Variants in SEC14L5 observed in about 807,000 individuals in gnomAD.
The protein encoded by SEC14L5 is SEC14-like protein 5.
In SEC14L5, 96 loss-of-function variants were observed where a neutral mutation model predicts 84.6. That is an observed-to-expected ratio of 1.13 (90% CI 0.96 to 1.34). The LOEUF (loss-of-function observed/expected upper bound fraction) is 1.34. SEC14L5 is among the 40% of genes most tolerant of loss of function. The pLI is 0.00. For synonymous variants in SEC14L5, 546 were observed against 383.4 expected, an observed-to-expected ratio of 1.42 and a Z score of -4.95; for missense variants, 1,224 against 942.5, an observed-to-expected ratio of 1.30 and a Z score of -3.91.
chr16:4,976,675 C>A (rs975652180), intron 2 of SEC14L5, among the ~76,000 whole-genome samples: 1 of 152,186 alleles, frequency 6.6e-6, no homozygotes, highest in African/African-American at 2.4e-5. Context: ...GGCAGCCCTG[C>A]TTGGTCCCTG....
chr16:4,996,816 G>A (rs746108108), intron 7 of SEC14L5, 39 bp from the exon 8 acceptor site: 13 of 1,523,260 alleles, frequency 8.5e-6, no homozygotes, highest in South Asian at 5.9e-5. Context: ...TGGGTCAGGG[G>A]ATACCGTTCT....
In SEC14L5 at chr16:5,007,454, T is replaced by G; in HGVS notation, c.1540T>G (p.Ser514Ala). ...QLWQWSETYH[S>A]ASVLRGAPHE... Reference sequence around the variant, plus strand: ...GTGGCAGTGGAGTGAGACCTACCATTCAGCCAGCGTGCTCCGCGGAGCCCC... The same window carrying G: ...GTGGCAGTGGAGTGAGACCTACCATGCAGCCAGCGTGCTCCGCGGAGCCCC... Residue 514 changes from serine to alanine, a missense_variant, in exon 13 of 16, where the codon TCA becomes GCA. By Grantham distance (99) the Ser-to-Ala change is moderately conservative. Transcript: ENST00000251170. The G allele has an allele frequency of 1.9e-6, 3 of 1,613,752 alleles. No individual in the cohort carries two copies. Among genetic ancestry groups the G allele is most frequent in the Non-Finnish European group, 2.5e-6 (3 of 1,179,836 alleles).
chr16:4,988,312 C>T (rs780973985), intron 4 of SEC14L5, 32 bp downstream of exon 4: 20 of 1,608,206 alleles, frequency 1.2e-5, no homozygotes, highest in Admixed American at 3.4e-5. Flanking sequence ...CGCCCACGCC[C>T]GGCACCCACC....
chr16:4,979,516 G>T (rs189873659), intron 2 of SEC14L5, among the ~76,000 whole-genome samples: 73 of 152,302 alleles, frequency 4.8e-4, no homozygotes, highest in African/African-American at 1.7e-3. Flanking sequence ...TGATGGTTAG[G>T]CTTGGGCAGC....
intron 2 of SEC14L5, among the ~76,000 whole-genome samples, chr16:4,967,561 C>CATTTTTTTT (rs1568104233): frequency 2.3e-5 from 2 of 86,272 alleles, no homozygotes. Context: ...TTCTTTCTTT[C>CATTTTTTTT]GTTTTTTTTT....
intron 10 of SEC14L5, among the ~76,000 whole-genome samples, chr16:5,002,362 T>C (rs1955686450): frequency 1.3e-5 from 2 of 148,472 alleles, no homozygotes; most frequent in Non-Finnish European, 3.0e-5. Flanking sequence ...AGTGGTGCAA[T>C]CTTGGCTCAC....
At chr16:4,971,245 C>G (rs1013222734) in intron 2 of SEC14L5, among the ~76,000 whole-genome samples, 7 of 152,120 alleles carry the variant, frequency 4.6e-5, no homozygotes, top group African/African-American at 1.7e-4. Context: ...TTGTTTGAGC[C>G]TAGGAGTTTG....
At chr16:4,963,625 C>T (rs567578767) in intron 2 of SEC14L5, among the ~76,000 whole-genome samples, 7 of 152,160 alleles carry the variant, frequency 4.6e-5, no homozygotes, top group South Asian at 2.1e-4. Context: ...GGATTAGAGG[C>T]GCGAGCCACT....
chr16:5,013,460 T>A (rs1955831303), intron 15 of SEC14L5, among the ~76,000 whole-genome samples: 1 of 151,406 alleles, frequency 6.6e-6, no homozygotes, highest in Non-Finnish European at 1.5e-5. Context: ...AATCCTAGCT[T>A]ACTGTAGCCT....
rs141534089 is a variant in SEC14L5 at position 5,004,724 on chromosome 16, C to T, written c.1302+1151C>T. ...CACCTATCTCTTGGCTTGTGGCATT[C>T]CCTGTAGAACTGGCCTGTTATCTGC... On this transcript the variant is annotated intron_variant, in intron 11 of 15. Transcript: ENST00000251170. Among the ~76,000 whole-genome samples the T allele has an allele frequency of 1.2e-3, 185 of 152,300 alleles. 1 individual carries two copies. Among genetic ancestry groups the T allele is most frequent in the African/African-American group, 4.0e-3 (166 of 41,570 alleles).
chr16:5,014,993 G>T lies in SEC14L5; in HGVS notation c.*23G>T. 6.5e-7 allele frequency: 1 copy of T among 1,533,544 alleles called. No homozygotes were observed. The allele number at this position is 1,533,544 out of a possible 1,614,324, so 95.0% of individuals were successfully genotyped here. A position where few individuals can be genotyped will look rare whatever the true frequency, so the allele number is the denominator to read the frequency against. The stretch of plus-strand genomic sequence containing the variant: ...TAGCCGGGCCCAGTGTTTCAGGGCC[G>T]CCCGCTCGCCTCCAGTGTCCAGAAA... On this transcript the variant is annotated 3_prime_UTR_variant, in exon 16 of 16. Coordinates refer to ENST00000251170, the MANE Select transcript of SEC14L5 (RefSeq NM_014692.2).
intron 11 of SEC14L5, among the ~76,000 whole-genome samples, chr16:5,005,173 G>A (rs1955716717): frequency 2.0e-5 from 3 of 152,198 alleles, no homozygotes; most frequent in Admixed American, 6.5e-5. Context: ...AAATTAGCCA[G>A]GCATGGTGGT....
chr16:4,999,403 G>A (rs369123631), intron 8 of SEC14L5, among the ~76,000 whole-genome samples: 6 of 152,120 alleles, frequency 3.9e-5, no homozygotes, highest in Non-Finnish European at 8.8e-5. Flanking sequence ...CCAGGAGTTC[G>A]AGACCAGCCT....
At chr16:4,964,538 C>T (rs930135434) in intron 2 of SEC14L5, among the ~76,000 whole-genome samples, 8 of 151,916 alleles carry the variant, frequency 5.3e-5, no homozygotes, top group African/African-American at 9.7e-5. Flanking sequence ...GAGCCGAGTT[C>T]GCTCCATTGC....
At chr16:4,998,568 C>G (rs1218002586) in intron 8 of SEC14L5, among the ~76,000 whole-genome samples, 6 of 148,958 alleles carry the variant, frequency 4.0e-5, no homozygotes, top group Non-Finnish European at 8.9e-5. Flanking sequence ...GAAACCCCGT[C>G]TCTACTAAAA....
intron 10 of SEC14L5, among the ~76,000 whole-genome samples, chr16:5,002,462 A>T (rs1955687572): frequency 1.3e-5 from 2 of 151,906 alleles, no homozygotes; most frequent in East Asian, 3.9e-4. Context: ...ACGCCTGGCT[A>T]ATTTTTGTAT....
At chr16:5,013,170 G>T (rs1355857016) in intron 15 of SEC14L5, among the ~76,000 whole-genome samples, 1 of 152,070 alleles carries the variant, frequency 6.6e-6, no homozygotes, top group Admixed American at 6.5e-5. Context: ...TCAACACTTG[G>T]GGATTACAAT....
At chr16:4,983,376 G>T (rs1213573359) in intron 2 of SEC14L5, among the ~76,000 whole-genome samples, 1 of 149,574 alleles carries the variant, frequency 6.7e-6, no homozygotes, top group Non-Finnish European at 1.5e-5. Context: ...TATTTACATG[G>T]GTACATTTAT....
At chr16:4,965,257 C>G (rs973241122) in intron 2 of SEC14L5, among the ~76,000 whole-genome samples, 3 of 152,216 alleles carry the variant, frequency 2.0e-5, no homozygotes, top group African/African-American at 7.2e-5. Flanking sequence ...CTTTATCATT[C>G]ATTAGTTGAT....
Sources: gnomAD v4.1 joint callset for allele counts (sites outside exome capture counted in the v4.1 genomes callset) on GRCh38, gnomAD v4.1.1 for gene constraint, MANE v1.5 for transcripts, NCBI Gene and HGNC (gene_info 2026-07-23, HGNC 2026-07-21) for gene names.